COL4A4: variants seen among roughly 807,000 people sequenced by gnomAD.
The protein encoded by COL4A4 is collagen alpha-4(IV) chain.
A neutral mutation model predicts 192.9 loss-of-function variants in COL4A4; 105 were observed. That is an observed-to-expected ratio of 0.54 (90% CI 0.46 to 0.64). COL4A4 has a LOEUF of 0.64. Among genes scored for constraint, COL4A4 ranks in the 30% least tolerant of loss-of-function variants. The pLI, the probability that COL4A4 is intolerant of heterozygous loss-of-function variation, is 0.00. For synonymous variants in COL4A4, 762 were observed against 769.9 expected (o/e 0.99, Z 0.17); for missense variants, 1,967 against 2,169.3 (o/e 0.91, Z 1.85).
intron 4 of COL4A4, among the ~76,000 whole-genome samples, chr2:227,126,069 GA>G (rs2062068884): frequency 6.6e-6 from 1 of 152,002 alleles, no homozygotes; most frequent in South Asian, 2.1e-4. Context: ...GAAAATATTC[GA>G]AAATCAATAA....
intron 36 of COL4A4, among the ~76,000 whole-genome samples, 183 bp downstream of exon 36, chr2:227,042,894 C>T (rs911898827): frequency 6.6e-6 from 1 of 152,234 alleles, no homozygotes; most frequent in African/African-American, 2.4e-5. Context: ...CTCCAAGTCA[C>T]TCAGTGAAAC....
At position 227,042,156 on chromosome 2, in the gene COL4A4, C is replaced by G; in HGVS notation, c.3497G>C (p.Gly1166Ala). The G allele has an allele frequency of 6.2e-7, 1 of 1,600,794 alleles. No individual in the cohort carries two copies. The highest frequency in any genetic ancestry group is 8.6e-7 in the Non-Finnish European group (1 of 1,167,880). Reference protein sequence around the residue: ...QGDPGIPGPPGIKGPSGSPGL... With the variant: ...QGDPGIPGPPAIKGPSGSPGL... ...GCTTCATTTTGACTTACCTTTTATT[C>G]CCGGAGGACCTGGTATCCCTGGATC... The change falls in exon 37 of 48, where the codon GGA becomes GCA. Residue 1166 changes from glycine to alanine, a missense_variant. By Grantham distance (60) the Gly-to-Ala change is moderately conservative. Coordinates refer to ENST00000396625, the MANE Select transcript of COL4A4 (RefSeq NM_000092.5).
At chr2:227,129,305 A>C (rs1316369010) in intron 4 of COL4A4, among the ~76,000 whole-genome samples, 1 of 151,328 alleles carries the variant, frequency 6.6e-6, no homozygotes. Flanking sequence ...TACCACATCT[A>C]CCCTAAAATA....
chr2:227,041,775 G>A lies in COL4A4; in HGVS notation c.3505+373C>T, dbSNP rs1209886051. ...GGAAGGAAGGAAGGAAGGAAGGAAG[G>A]AAGGAAGGAAGGGAAAGAAAGAAAG... On this transcript the variant is annotated intron_variant, in intron 37 of 47. Transcript: ENST00000396625. Among the ~76,000 whole-genome samples the A allele has an allele frequency of 6.4e-3, 485 of 76,102 alleles. 6 individuals are homozygous for A. Among genetic ancestry groups the A allele is most frequent in the Middle Eastern group, 0.011 (2 of 178 alleles). The allele number at this position is 76,102 out of a possible 152,430, so 49.9% of individuals were successfully genotyped here. A position where few individuals can be genotyped will look rare whatever the true frequency, so the allele number is the denominator to read the frequency against.
chr2:227,112,548 C>A (rs546535719), intron 8 of COL4A4, among the ~76,000 whole-genome samples: 1 of 152,150 alleles, frequency 6.6e-6, no homozygotes, highest in Admixed American at 6.5e-5. Flanking sequence ...GGATTACAGG[C>A]GTGAGCCACC....
intron 37 of COL4A4, among the ~76,000 whole-genome samples, chr2:227,036,568 A>G (rs1386108293): frequency 6.6e-6 from 1 of 152,226 alleles, no homozygotes; most frequent in Non-Finnish European, 1.5e-5. Context: ...GATTCTTATT[A>G]ACAAAGATTC....
chr2:227,065,028 G>A (rs981266720), intron 25 of COL4A4, among the ~76,000 whole-genome samples: 1 of 152,104 alleles, frequency 6.6e-6, no homozygotes. Context: ...CAGTGGGTGC[G>A]CGCACCGTGC....
intron 25 of COL4A4, among the ~76,000 whole-genome samples, chr2:227,065,953 AG>A (rs1175854844): frequency 1.3e-5 from 2 of 152,236 alleles, no homozygotes; most frequent in East Asian, 1.9e-4. Context: ...TTCAAACCAA[AG>A]GCAAAGAAGT....
chr2:227,047,398 G>T, intron 35 of COL4A4, 77 bp downstream of exon 35: 1 of 1,020,802 alleles, frequency 9.8e-7, no homozygotes. Flanking sequence ...TACGATCATT[G>T]CCAGCTAGAA....
intron 47 of COL4A4, 37 bp from the exon 48 acceptor site, chr2:227,007,625 C>A: frequency 6.2e-7 from 1 of 1,611,892 alleles, no homozygotes; most frequent in Non-Finnish European, 8.5e-7. Context: ...GGCTCAGACA[C>A]ACACAGACAA....
chr2:226,969,144 G>A, the COL4A4 span: 3 of 159,884 alleles, frequency 1.9e-5, no homozygotes, highest in East Asian at 5.0e-4. Flanking sequence ...TATAGTCATG[G>A]TGGTGGTGGC....
the COL4A4 span, among the ~76,000 whole-genome samples, chr2:226,985,692 A>C: frequency 6.6e-6 from 1 of 152,238 alleles, no homozygotes; most frequent in Non-Finnish European, 1.5e-5. Context: ...CCAATCAGCA[A>C]CTATTTCTTA....
At chr2:226,993,107 T>C in the COL4A4 span, among the ~76,000 whole-genome samples, 2 of 152,226 alleles carry the variant, frequency 1.3e-5, no homozygotes, top group African/African-American at 4.8e-5. Context: ...TGCTGGCTGC[T>C]CCTTTTGAGA....
At chr2:227,121,184 T>C (rs141879616) in intron 4 of COL4A4, 36 bp from the exon 5 acceptor site, 1 of 1,610,358 alleles carries the variant, frequency 6.2e-7, no homozygotes, top group Non-Finnish European at 8.5e-7. Flanking sequence ...GGGGGTGCAA[T>C]TCTTAATTAC....
At chr2:227,051,641 A>G (rs528981732) in intron 32 of COL4A4, among the ~76,000 whole-genome samples, 1 of 152,300 alleles carries the variant, frequency 6.6e-6, no homozygotes, top group East Asian at 1.9e-4. Flanking sequence ...CTGAATCAGA[A>G]TCTGCATTTT....
rs191347116 is a variant in COL4A4 at position 227,015,820 on chromosome 2, T to G, written c.4217-3523A>C. ...CAATGACATAGAAGTAAGGTTATGT[T>G]AAGAACAGTTTGCCAACAAGTATGC... On this transcript the variant is annotated intron_variant, in intron 44 of 47. Transcript: ENST00000396625. 3.9e-5 allele frequency among the ~76,000 whole-genome samples: 6 copies of G among 152,330 alleles called. No individual in the cohort carries two copies. The East Asian group carries it at 1.2e-3, about 29-fold the overall frequency.
In COL4A4 at chr2:227,007,436, C is replaced by T. The variant is rs375911030; in HGVS notation, c.4962G>A (p.Thr1654=). The change falls in exon 48 of 48, where the codon ACG becomes ACA. Residue 1654 remains threonine (T), a synonymous_variant. Transcript: ENST00000396625. The part of the protein sequence containing the change: ...FANKYSFWLT[T]VKADLQFSSA... Reference sequence around the variant, plus strand: ...AGGAAAACTGCAAGTCTGCTTTCACCGTTGTGAGCCAGAAGCTATACTTAT... The same window carrying T: ...AGGAAAACTGCAAGTCTGCTTTCACTGTTGTGAGCCAGAAGCTATACTTAT... 41 of 1,614,194 alleles carry T rather than the reference C, an allele frequency of 2.5e-5. No individual in the cohort carries two copies. The highest frequency in any genetic ancestry group is 2.2e-4 in the South Asian group (20 of 91,078).
chr2:226,982,502 T>C, the COL4A4 span, among the ~76,000 whole-genome samples: 1 of 152,376 alleles, frequency 6.6e-6, no homozygotes, highest in East Asian at 1.9e-4. Context: ...GCATTCAGCA[T>C]CAATAGATGT....
chr2:227,078,036 A>G lies in COL4A4; in HGVS notation c.1845T>C (p.Pro615=), dbSNP rs779287922. 1.5e-5 allele frequency: 24 copies of G among 1,613,958 alleles called. No individual in the cohort carries two copies. The Admixed American group carries it at 3.7e-4, about 25-fold the overall frequency. Residue 615 remains proline (P), a synonymous_variant, in exon 25 of 48, where the codon CCT becomes CCC. Coordinates refer to ENST00000396625, the MANE Select transcript of COL4A4 (RefSeq NM_000092.5). ...CTTTGCCTGGGGGGCCCAGAGGTCC[A>G]GGAAATCCTTTACCACCTGGGGTCG... ...EDATPGGKGF[P]GPLGPPGKAG...
Sources: gnomAD v4.1 joint callset for allele counts (sites outside exome capture counted in the v4.1 genomes callset) on GRCh38, gnomAD v4.1.1 for gene constraint, MANE v1.5 for transcripts, NCBI Gene and HGNC (gene_info 2026-07-23, HGNC 2026-07-21) for gene names.